The following PCA3 variants were observed in gnomAD, a reference collection of about 807,000 sequenced individuals.
The protein encoded by PCA3 is prostate cancer associated 3.
intron 2 of PCA3, chr9:76,784,973 A>G (rs1589221633): frequency 6.6e-6 from 1 of 152,140 alleles, no homozygotes; most frequent in African/African-American, 2.4e-5. Flanking sequence ...ATTTAATTAC[A>G]TATTTTGTTT....
At chr9:76,770,783 C>T (rs2053008973) in intron 2 of PCA3, among the ~76,000 whole-genome samples, 1 of 152,070 alleles carries the variant, frequency 6.6e-6, no homozygotes, top group Non-Finnish European at 1.5e-5. Context: ...AAAATCATTC[C>T]AAATAGCAAA....
intron 2 of PCA3, among the ~76,000 whole-genome samples, chr9:76,776,361 C>T (rs946104681): frequency 1.3e-5 from 2 of 151,964 alleles, no homozygotes; most frequent in South Asian, 4.1e-4. Context: ...ACTGTTTAGC[C>T]CCCACTTACA....
At chr9:76,782,770 T>C (rs538129006) in intron 2 of PCA3, 1 of 152,198 alleles carries the variant, frequency 6.6e-6, no homozygotes, top group Admixed American at 6.5e-5. Flanking sequence ...TGGATCACCA[T>C]CGACGGCACT....
In PCA3 at chr9:76,785,522, G is replaced by A. The variant is rs944280219; in HGVS notation, n.853-23061G>A. The A allele has an allele frequency of 2.0e-5, 3 of 152,172 alleles. No homozygotes were observed. The East Asian group carries it at 5.8e-4, about 29-fold the overall frequency. The allele number at this position is 152,172 out of a possible 1,614,324, so 9.4% of individuals were successfully genotyped here. A position where few individuals can be genotyped will look rare whatever the true frequency, so the allele number is the denominator to read the frequency against. On this transcript the variant is annotated intron_variant and non_coding_transcript_variant, in intron 2 of 5. Coordinates refer to ENST00000644657, the Ensembl canonical transcript of PCA3. ...ACAAGCTTTTCACAGAATTCATGCA[G>A]TGCAAATCCCCAAAGGTAACCTTTA... is the stretch of plus-strand genomic sequence containing the variant.
rs1369243580 is a variant in PCA3, at chr9:76,782,300, A to G, written n.853-26283A>G. Among the ~76,000 whole-genome samples the G allele has an allele frequency of 2.0e-5, 3 of 152,350 alleles. No individual in the cohort carries two copies. In the East Asian group the frequency reaches 5.8e-4, roughly 29 times the overall value. ...GAAGTGACACAACTCTCAGAAAGGG[A>G]AAGAATGAATGAATGAAAGAATGTG... On this transcript the variant is annotated intron_variant and non_coding_transcript_variant, in intron 2 of 5. Coordinates refer to ENST00000644657, the Ensembl canonical transcript of PCA3.
At chr9:76,772,001 T>C in intron 2 of PCA3, among the ~76,000 whole-genome samples, 1 of 152,202 alleles carries the variant, frequency 6.6e-6, no homozygotes. Context: ...ACAGCAAATT[T>C]GCCTATACGA....
At chr9:76,766,390 C>A (rs144562491) in intron 2 of PCA3, among the ~76,000 whole-genome samples, 3 of 152,168 alleles carry the variant, frequency 2.0e-5, no homozygotes, top group African/African-American at 7.2e-5. Flanking sequence ...CTAATGGTCA[C>A]TGGAAGAAAA....
In PCA3 at chr9:76,770,418, G is replaced by A. The variant is rs114149345; in HGVS notation, n.852+33803G>A. On this transcript the variant is annotated intron_variant and non_coding_transcript_variant, in intron 2 of 5. Transcript: ENST00000644657. ...AAACACATTTTCAATCCAATCTATT[G>A]CCTTATTTTTAAAATATGTTAATGG... Among the ~76,000 whole-genome samples the A allele has an allele frequency of 5.8e-3, 887 of 151,984 alleles. 7 individuals carry two copies. The highest frequency in any genetic ancestry group is 0.02 in the African/African-American group (840 of 41,468).
chr9:76,778,490 G>T (rs2054036316), intron 2 of PCA3: 1 of 152,220 alleles, frequency 6.6e-6, no homozygotes, highest in Admixed American at 6.5e-5. Context: ...GGGATGGCCA[G>T]AGACACAGGA....
intron 2 of PCA3, among the ~76,000 whole-genome samples, chr9:76,775,065 G>GA (rs1189654408): frequency 7.0e-6 from 1 of 143,754 alleles, no homozygotes; most frequent in East Asian, 2.1e-4. Flanking sequence ...AAGTCCCAAA[G>GA]AAGAAAAAAA....
chr9:76,780,743 TTTTG>T (rs1171028440), intron 2 of PCA3, among the ~76,000 whole-genome samples: 1 of 148,914 alleles, frequency 6.7e-6, no homozygotes, highest in Non-Finnish European at 1.5e-5. Context: ...AGGGTTTTGT[TTTTG>T]TTTTTGTTTT....
chr9:76,786,334 A>T (rs2054976497), intron 2 of PCA3: 2 of 152,276 alleles, frequency 1.3e-5, no homozygotes, highest in Admixed American at 1.3e-4. Context: ...GAAATATTAG[A>T]TTTAAGCTCA....
Position 76,774,450 on chromosome 9 carries a change from C to CTT in PCA3, n.853-34107_853-34106dup, listed in dbSNP as rs869289049. ...ATCGTTCCTGGCCTCCAGTTCAACC[C>CTT]TTTTTTTTTTTTTTTTTTTTTTTTT... On this transcript the variant is annotated intron_variant and non_coding_transcript_variant, in intron 2 of 5. Transcript: ENST00000644657. Among the ~76,000 whole-genome samples, 380 of 41,332 alleles carry CTT rather than the reference C, an allele frequency of 9.2e-3. 27 individuals carry two copies. Among genetic ancestry groups the CTT allele is most frequent in the East Asian group, 0.016 (16 of 970 alleles). 27.1% of individuals were successfully genotyped at this position (41,332 alleles called of 152,430 possible).
At chr9:76,766,381 T>C (rs191667248) in intron 2 of PCA3, among the ~76,000 whole-genome samples, 15 of 152,140 alleles carry the variant, frequency 9.9e-5, no homozygotes, top group Non-Finnish European at 1.6e-4. Context: ...AATACGTTAC[T>C]AATGGTCACT....
chr9:76,778,373 T>C (rs1273809072), intron 2 of PCA3: 1 of 152,208 alleles, frequency 6.6e-6, no homozygotes, highest in Non-Finnish European at 1.5e-5. Flanking sequence ...ATGGATGATT[T>C]TCTCAGACTA....
chr9:76,777,520 C>A (rs2053931651), intron 2 of PCA3, among the ~76,000 whole-genome samples: 1 of 152,142 alleles, frequency 6.6e-6, no homozygotes, highest in Non-Finnish European at 1.5e-5. Flanking sequence ...CTCCTTTGCG[C>A]CTTCCCAAAT....
At chr9:76,782,051 A>G (rs1447553046) in intron 2 of PCA3, among the ~76,000 whole-genome samples, 1 of 152,122 alleles carries the variant, frequency 6.6e-6, no homozygotes, top group Admixed American at 6.5e-5. Flanking sequence ...CATCTCTACT[A>G]AAAATACAAA....
intron 2 of PCA3, among the ~76,000 whole-genome samples, chr9:76,770,934 AAAG>A (rs1272739361): frequency 1.3e-5 from 2 of 152,190 alleles, no homozygotes; most frequent in Non-Finnish European, 2.9e-5. Context: ...AAAATCTGAA[AAAG>A]AAGAATTAGT....
chr9:76,766,821 G>T (rs541687934), intron 2 of PCA3, among the ~76,000 whole-genome samples: 19 of 152,040 alleles, frequency 1.2e-4, no homozygotes, highest in African/African-American at 4.1e-4. Context: ...TCTCTGTGAG[G>T]GCTTTCTCTC....
Sources: allele counts gnomAD v4.1 joint callset (sites outside exome capture counted in the v4.1 genomes callset), GRCh38; gene constraint gnomAD v4.1.1; transcripts MANE v1.5; gene names NCBI Gene and HGNC (gene_info 2026-07-23, HGNC 2026-07-21).